The following ORC1 variants were observed in gnomAD, a reference collection of about 807,000 sequenced individuals.
ORC1 encodes the protein origin recognition complex subunit 1.
A neutral mutation model predicts 98.9 loss-of-function variants in ORC1; 61 were observed. The ratio of observed to expected loss-of-function variants is 0.62; its 90% CI spans 0.50 to 0.76. The LOEUF is 0.76. ORC1 is among the 30% of genes least tolerant of loss of function. The pLI, the probability that ORC1 is intolerant of heterozygous loss-of-function variation, is 0.00. For missense variants in ORC1, 979 were observed against 1,072.2 expected (o/e 0.91, Z 1.21); for synonymous variants, 385 against 406.9 (o/e 0.95, Z 0.65).
upstream of ORC1, among the ~76,000 whole-genome samples, chr1:52,406,693 G>C (rs141458629): frequency 1.3e-5 from 2 of 152,296 alleles, no homozygotes; most frequent in East Asian, 3.9e-4. Flanking sequence ...CGATTCTCGA[G>C]GAAATCACAA....
chr1:52,403,916 A>G (rs1466916509), intron 1 of ORC1, among the ~76,000 whole-genome samples: 1 of 152,180 alleles, frequency 6.6e-6, no homozygotes, highest in Non-Finnish European at 1.5e-5. Flanking sequence ...GAACGAAACA[A>G]GTAGAGTGCT....
chr1:52,385,622 T>C (rs1023293948), intron 9 of ORC1, among the ~76,000 whole-genome samples: 1 of 152,190 alleles, frequency 6.6e-6, no homozygotes, highest in East Asian at 1.9e-4. Flanking sequence ...ATGATGGCAG[T>C]AGACGGGAAG....
At chr1:52,406,913 C>T (rs574611286), upstream of ORC1, among the ~76,000 whole-genome samples, 106 of 152,340 alleles carry the variant, frequency 7.0e-4, no homozygotes, top group African/African-American at 2.5e-3. Context: ...ATATTCTTTG[C>T]TACAGTATTC....
In ORC1 at chr1:52,397,978, T is replaced by G; in HGVS notation, c.224-115A>C. The G allele has an allele frequency of 2.8e-6, 3 of 1,053,760 alleles. No homozygotes were observed. In the South Asian group the frequency reaches 3.9e-5, roughly 14 times the overall value. 65.3% of individuals were successfully genotyped at this position (1,053,760 alleles called of 1,614,324 possible). A position where few individuals can be genotyped will look rare whatever the true frequency, so the allele number is the denominator to read the frequency against. On this transcript the variant is annotated intron_variant, in intron 3 of 16. Transcript: ENST00000371568. ...CCTTGACATGTGTGGTTTTGTTTTT[T>G]GTTTTTTGAGACAGAGTCTCTGTCA...
chr1:52,378,181 C>A (rs1013470229), intron 14 of ORC1, among the ~76,000 whole-genome samples: 1 of 152,026 alleles, frequency 6.6e-6, no homozygotes, highest in Non-Finnish European at 1.5e-5. Flanking sequence ...CCCGTCTCTA[C>A]TAAAAATACA....
intron 3 of ORC1, among the ~76,000 whole-genome samples, chr1:52,398,592 A>AT (rs1156350896): frequency 6.7e-6 from 1 of 148,228 alleles, no homozygotes; most frequent in Non-Finnish European, 1.5e-5. Flanking sequence ...ATTTTATTTT[A>AT]TTTTTTTGAG....
In ORC1 at chr1:52,402,197, C is replaced by T; in HGVS notation, c.27G>A (p.Lys9=). ...CAACCCATGAATAAGTTTTTCTGGT[C>T]TTCAGCCTTGTGGGGTAGTGTGCCA... The part of the protein sequence containing the change: MAHYPTRL[K]TRKTYSWVGR... The change falls in exon 2 of 17, where the codon AAG becomes AAA. Residue 9 remains lysine (K), a synonymous_variant. Transcript: ENST00000371568. 6.2e-7 allele frequency: 1 copy of T among 1,614,164 alleles called. No homozygotes were observed. Among genetic ancestry groups the T allele is most frequent in the Non-Finnish European group, 8.5e-7 (1 of 1,180,026 alleles).
At chr1:52,403,234 C>T (rs1209601117) in intron 1 of ORC1, among the ~76,000 whole-genome samples, 1 of 152,208 alleles carries the variant, frequency 6.6e-6, no homozygotes, top group African/African-American at 2.4e-5. Flanking sequence ...GTGTGCCAGG[C>T]ACTATTTTAG....
upstream of ORC1, chr1:52,404,978 T>G: frequency 5.3e-4 from 750 of 1,405,912 alleles, no homozygotes; most frequent in Middle Eastern, 1.1e-3. Context: ...GGGGTGGTAC[T>G]GGAACGGAGT....
upstream of ORC1, chr1:52,409,020 C>T (rs963688026): frequency 9.7e-6 from 2 of 205,430 alleles, no homozygotes; most frequent in African/African-American, 4.6e-5. Context: ...CTTCCCCAGC[C>T]CTCTCAGACA....
intron 3 of ORC1, among the ~76,000 whole-genome samples, chr1:52,399,441 G>A (rs530303469): frequency 1.1e-4 from 17 of 152,030 alleles, no homozygotes; most frequent in East Asian, 3.9e-4. Flanking sequence ...TGGCTAACAC[G>A]GTGAAACCCC....
At chr1:52,404,675 C>G (rs1341718980), upstream of ORC1, 1 of 1,520,746 alleles carries the variant, frequency 6.6e-7, no homozygotes, top group Admixed American at 1.9e-5. Context: ...TTCTCCATTC[C>G]TCTAGGTGCT....
chr1:52,408,194 C>G (rs1049776074), upstream of ORC1: 1 of 352,470 alleles, frequency 2.8e-6, no homozygotes, highest in East Asian at 7.6e-5. Context: ...GAGCCAAGAT[C>G]GTGCCACTGC....
intron 11 of ORC1, 110 bp downstream of exon 11, chr1:52,384,440 T>G: frequency 1.0e-6 from 1 of 980,020 alleles, no homozygotes; most frequent in Non-Finnish European, 1.6e-6. Context: ...GAAAGGACAA[T>G]GCCTGGTATA....
chr1:52,385,361 T>C (rs536636459), intron 9 of ORC1, 99 bp from the exon 10 acceptor site: 12 of 860,220 alleles, frequency 1.4e-5, no homozygotes, highest in Admixed American at 1.4e-4. Flanking sequence ...TTCTTGTCTA[T>C]GTTTCTACCT....
intron 8 of ORC1, among the ~76,000 whole-genome samples, chr1:52,387,155 G>A (rs1647152920): frequency 6.6e-6 from 1 of 152,134 alleles, no homozygotes; most frequent in Non-Finnish European, 1.5e-5. Flanking sequence ...TAGGAACCAG[G>A]ACACAGCAGG....
upstream of ORC1, among the ~76,000 whole-genome samples, chr1:52,406,019 C>T (rs138728154): frequency 4.2e-3 from 646 of 152,274 alleles, 16 homozygotes; most frequent in East Asian, 0.044. Context: ...AACAGAGTCT[C>T]TCTGTGTTGC....
At chr1:52,377,703 C>CAAAAAAAAAAAAAAAA (rs58266239) in intron 14 of ORC1, among the ~76,000 whole-genome samples, 1 of 58,774 alleles carries the variant, frequency 1.7e-5, no homozygotes, top group Non-Finnish European at 3.6e-5. Context: ...CCCCTAGAAG[C>CAAAAAAAAAAAAAAAA]AAAAAAAAAA....
In ORC1 at chr1:52,389,106, G is replaced by C. The variant is rs139164084; in HGVS notation, c.1187+111C>G. The stretch of plus-strand genomic sequence containing the variant: ...ATAATTCCAGACATGCTAGGTAAAA[G>C]GTCAATTTCAATGGATTGGCAAATA... On this transcript the variant is annotated intron_variant, in intron 7 of 16. Coordinates refer to ENST00000371568, the MANE Select transcript of ORC1 (RefSeq NM_004153.4). The C allele has an allele frequency of 1.7e-4, 143 of 836,576 alleles. No homozygotes were observed. The East Asian group carries it at 3.4e-3, about 20-fold the overall frequency. The allele number at this position is 836,576 out of a possible 1,614,324, so 51.8% of individuals were successfully genotyped here. A position where few individuals can be genotyped will look rare whatever the true frequency, so the allele number is the denominator to read the frequency against.
Sources: allele counts gnomAD v4.1 joint callset (sites outside exome capture counted in the v4.1 genomes callset), GRCh38; gene constraint gnomAD v4.1.1; transcripts MANE v1.5; gene names NCBI Gene and HGNC (gene_info 2026-07-23, HGNC 2026-07-21).